The following RALGAPA2 variants were observed in gnomAD, a reference collection of about 807,000 sequenced individuals.
RALGAPA2 encodes the protein ral GTPase-activating protein subunit alpha-2.
In RALGAPA2, 139 loss-of-function variants were observed where a neutral mutation model predicts 230.4. That is an observed-to-expected ratio of 0.60 (90% CI 0.53 to 0.69). The LOEUF (loss-of-function observed/expected upper bound fraction) is 0.69. Among genes scored for constraint, RALGAPA2 ranks in the 30% least tolerant of loss-of-function variants. The probability of loss-of-function intolerance (pLI) is 0.00; values close to 1 mark genes in which losing one functional copy is unlikely to be tolerated. For synonymous variants in RALGAPA2, 847 were observed against 837.8 expected, an observed-to-expected ratio of 1.01 and a Z score of -0.19; for missense variants, 2,163 against 2,276.0, an observed-to-expected ratio of 0.95 and a Z score of 1.01.
At position 20,621,460 on chromosome 20, in the gene RALGAPA2, C is replaced by CTT. The variant is rs753951151; in HGVS notation, c.1234-832_1234-831dup. Reference sequence around the variant, plus strand: ...TCTGTTACAAATCAGGACTTTGTTTCTTTTTTTTTTTTTCCTTTTCTTTGC... The same window carrying CTT: ...TCTGTTACAAATCAGGACTTTGTTTCTTTTTTTTTTTTTTTCCTTTTCTTTGC... On this transcript the variant is annotated intron_variant, in intron 10 of 39. Transcript: ENST00000202677. 5.5e-3 allele frequency among the ~76,000 whole-genome samples: 780 copies of CTT among 141,312 alleles called. 7 individuals carry two copies. The highest frequency in any genetic ancestry group is 0.019 in the African/African-American group (742 of 38,854). 92.7% of individuals were successfully genotyped at this position (141,312 alleles called of 152,430 possible).
chr20:20,542,194 A>G (rs919382106), intron 24 of RALGAPA2, among the ~76,000 whole-genome samples: 8 of 152,160 alleles, frequency 5.3e-5, no homozygotes, highest in African/African-American at 1.9e-4. Flanking sequence ...TAGGGATACA[A>G]CTTACAAGGG....
intron 23 of RALGAPA2, among the ~76,000 whole-genome samples, chr20:20,564,081 T>C (rs1207388261): frequency 6.6e-6 from 1 of 152,214 alleles, no homozygotes; most frequent in Non-Finnish European, 1.5e-5. Flanking sequence ...GCTCTTGTGG[T>C]CATGTGGAGT....
At chr20:20,703,088 A>G (rs139188546) in intron 1 of RALGAPA2, among the ~76,000 whole-genome samples, 166 of 152,110 alleles carry the variant, frequency 1.1e-3, no homozygotes, top group African/African-American at 3.9e-3. Flanking sequence ...CATGAGAATC[A>G]CTTCAACCCA....
intron 37 of RALGAPA2, among the ~76,000 whole-genome samples, chr20:20,467,627 C>A (rs2061448147): frequency 6.6e-6 from 1 of 152,126 alleles, no homozygotes; most frequent in South Asian, 2.1e-4. Context: ...AATTTATCCA[C>A]TTAGGCACTT....
At chr20:20,485,317 G>A (rs918973228) in intron 36 of RALGAPA2, among the ~76,000 whole-genome samples, 1 of 152,134 alleles carries the variant, frequency 6.6e-6, no homozygotes, top group African/African-American at 2.4e-5. Context: ...TCTCTGATTA[G>A]TGTGAGCATG....
At position 20,679,528 on chromosome 20, in the gene RALGAPA2, GTCCAAACTCCTTAGCCTAGAATTCAAGGC is replaced by G. The variant is rs1235047527; in HGVS notation, c.217+1134_217+1162del. On this transcript the variant is annotated intron_variant, in intron 2 of 39. Coordinates refer to ENST00000202677, the MANE Select transcript of RALGAPA2 (RefSeq NM_020343.4). ...GAGCTCTAACCACCTCCAGAACAAA[GTCCAAACTCCTTAGCCTAGAATTCAAGGC>G]TCCTTGCAAGCATTATCTAATTTCC... Among the ~76,000 whole-genome samples, 6 of 152,186 alleles carry G rather than the reference GTCCAAACTCCTTAGCCTAGAATTCAAGGC, an allele frequency of 3.9e-5. No individual in the cohort carries two copies. In the East Asian group the frequency reaches 9.7e-4, roughly 25 times the overall value.
intron 9 of RALGAPA2, among the ~76,000 whole-genome samples, chr20:20,633,548 C>T (rs950370691): frequency 1.1e-4 from 16 of 152,168 alleles, no homozygotes; most frequent in African/African-American, 3.1e-4. Flanking sequence ...AGTGCAGTGG[C>T]GCGATCTCCG....
At chr20:20,601,304 T>C (rs1184597109) in intron 16 of RALGAPA2, among the ~76,000 whole-genome samples, 1 of 152,212 alleles carries the variant, frequency 6.6e-6, no homozygotes, top group Non-Finnish European at 1.5e-5. Flanking sequence ...ATTCTCCTTT[T>C]CTTTGCTGAA....
rs755258351 is a variant in RALGAPA2, at chr20:20,635,505, C to T, written c.918G>A (p.Trp306Ter). 3.1e-6 allele frequency: 5 copies of T among 1,595,974 alleles called. No homozygotes were observed. The Admixed American group carries it at 9.0e-5, about 29-fold the overall frequency. ...YMAARVVFIK[W>*]IVTFFLEKKY... ...TTTTTTCCAAAAAGAAGGTTACAAT[C>T]CACTTAATAAAAACAACACGAGCTG... is the stretch of plus-strand genomic sequence containing the variant. The change falls in exon 9 of 40, where the codon TGG (tryptophan) becomes TGA (stop). Residue 306 changes from tryptophan to a stop codon, truncating the protein, a stop_gained. Transcript: ENST00000202677. LOFTEE classifies it high-confidence loss of function.
Position 20,620,643 on chromosome 20 carries a change from G to A in RALGAPA2, c.1234-13C>T. ...GCAACAAAAATGCCTGAAAGGAAAA[G>A]AGAAAACTCCCTTTAACTACAAACA... On this transcript the variant is annotated splice_polypyrimidine_tract_variant and intron_variant, in intron 10 of 39. Coordinates refer to ENST00000202677, the MANE Select transcript of RALGAPA2 (RefSeq NM_020343.4). The A allele has an allele frequency of 6.3e-7, 1 of 1,597,864 alleles. No homozygotes were observed. The highest frequency in any genetic ancestry group is 8.5e-7 in the Non-Finnish European group (1 of 1,172,092).
intron 3 of RALGAPA2, among the ~76,000 whole-genome samples, chr20:20,670,083 A>AT (rs1206969831): frequency 6.6e-6 from 1 of 152,276 alleles, no homozygotes; most frequent in Non-Finnish European, 1.5e-5. Flanking sequence ...TCTTACCAGT[A>AT]GACTCTTCCG....
intron 3 of RALGAPA2, among the ~76,000 whole-genome samples, chr20:20,654,756 G>A (rs1338749885): frequency 6.6e-6 from 1 of 152,178 alleles, no homozygotes; most frequent in Admixed American, 6.5e-5. Flanking sequence ...GGGACATAAA[G>A]CCAGAAGTGG....
At chr20:20,526,165 A>G (rs2063196236) in intron 28 of RALGAPA2, 87 bp downstream of exon 28, 2 of 1,047,228 alleles carry the variant, frequency 1.9e-6, no homozygotes, top group Admixed American at 5.7e-5. Context: ...TTCTCTAACA[A>G]TTATTTGAAT....
intron 24 of RALGAPA2, among the ~76,000 whole-genome samples, chr20:20,542,809 AG>A (rs2063683138): frequency 6.6e-6 from 1 of 152,194 alleles, no homozygotes; most frequent in South Asian, 2.1e-4. Context: ...TAAAAACCCT[AG>A]AAAAAAACCT....
chr20:20,602,531 A>C (rs1161993102), intron 15 of RALGAPA2, among the ~76,000 whole-genome samples: 1 of 152,252 alleles, frequency 6.6e-6, no homozygotes, highest in Admixed American at 6.5e-5. Flanking sequence ...TGATGTGGCC[A>C]GTGGCTGCCA....
intron 24 of RALGAPA2, among the ~76,000 whole-genome samples, chr20:20,543,196 C>T (rs1273191673): frequency 6.6e-6 from 1 of 152,114 alleles, no homozygotes; most frequent in East Asian, 1.9e-4. Flanking sequence ...AGGCATGTGC[C>T]ACCACACCCA....
chr20:20,443,509 C>T (rs2123086142), intron 37 of RALGAPA2, among the ~76,000 whole-genome samples: 1 of 152,300 alleles, frequency 6.6e-6, no homozygotes, highest in South Asian at 2.1e-4. Flanking sequence ...TACCAGGTGC[C>T]CCTAAATGTG....
At chr20:20,450,081 T>G (rs1408131142) in intron 37 of RALGAPA2, among the ~76,000 whole-genome samples, 3 of 152,204 alleles carry the variant, frequency 2.0e-5, no homozygotes, top group African/African-American at 7.2e-5. Context: ...CTCTTTCAAA[T>G]CTATTTTAGA....
rs768119275 is a variant in RALGAPA2, at chr20:20,635,472, T to C, written c.951A>G (p.Leu317=). ...IVTFFLEKKY[L]TATQNTKNGV... is the part of the protein sequence containing the mutation. ...CATTTTTAGTGTTTTGTGTTGCAGT[T>C]AGATACTTTTTTTCCAAAAAGAAGG... The change falls in exon 9 of 40, where the codon CTA becomes CTG. Residue 317 remains leucine, a synonymous_variant. Transcript: ENST00000202677. The C allele has an allele frequency of 2.5e-6, 4 of 1,602,356 alleles. No individual in the cohort carries two copies. Among genetic ancestry groups the C allele is most frequent in the Non-Finnish European group, 8.5e-7 (1 of 1,175,746 alleles).
Sources: gnomAD v4.1 joint callset for allele counts (sites outside exome capture counted in the v4.1 genomes callset) on GRCh38, gnomAD v4.1.1 for gene constraint, MANE v1.5 for transcripts, NCBI Gene and HGNC (gene_info 2026-07-23, HGNC 2026-07-21) for gene names.